Variants in EIF3H observed in about 807,000 individuals in gnomAD.
The protein encoded by EIF3H is eukaryotic translation initiation factor 3 subunit H.
In EIF3H, 26 loss-of-function variants were observed where a neutral mutation model predicts 44.2. The observed-to-expected ratio is 0.59, with a 90% CI of 0.43 to 0.82. The LOEUF (loss-of-function observed/expected upper bound fraction) is 0.82, where lower values mean the gene tolerates loss of function less well. Ranked by LOEUF, EIF3H falls within the 40% of genes least tolerant of loss-of-function variation. EIF3H has a pLI of 0.00. For synonymous variants in EIF3H, 166 were observed against 151.9 expected, an observed-to-expected ratio of 1.09 and a Z score of -0.68; for missense variants, 359 against 432.8, an observed-to-expected ratio of 0.83 and a Z score of 1.51.
At chr8:116,708,094 T>C (rs190761962) in intron 2 of EIF3H, among the ~76,000 whole-genome samples, 3,875 of 152,124 alleles carry the variant, frequency 0.025, 86 homozygotes, top group Non-Finnish European at 0.04. Context: ...TTCTCCTTTA[T>C]CAGGAAAAAC....
intron 2 of EIF3H, among the ~76,000 whole-genome samples, chr8:116,697,981 C>T (rs998657943): frequency 1.3e-5 from 2 of 152,172 alleles, no homozygotes; most frequent in African/African-American, 4.8e-5. Context: ...GCAGGCACTG[C>T]CTTAATGTAT....
At chr8:116,671,293 C>T (rs1300802712) in intron 2 of EIF3H, among the ~76,000 whole-genome samples, 1 of 152,152 alleles carries the variant, frequency 6.6e-6, no homozygotes, top group Non-Finnish European at 1.5e-5. Flanking sequence ...CAGTGTATCC[C>T]AAGGCTTTTG....
exon 1 of EIF3H, chr8:116,766,207 G>A: frequency 5.6e-6 from 1 of 178,792 alleles, no homozygotes; most frequent in Non-Finnish European, 1.2e-5. Context: ...TATTATCACT[G>A]ACTACTACTA....
chr8:116,688,268 G>A (rs1814113317), intron 2 of EIF3H, among the ~76,000 whole-genome samples: 1 of 152,046 alleles, frequency 6.6e-6, no homozygotes, highest in African/African-American at 2.4e-5. Context: ...CTTAGATAAG[G>A]GCTGTGAAAT....
chr8:116,650,675 C>CT (rs911246885), intron 5 of EIF3H, among the ~76,000 whole-genome samples: 2 of 151,924 alleles, frequency 1.3e-5, no homozygotes, highest in East Asian at 1.9e-4. Context: ...GGACTCTTTT[C>CT]TTTTTTTTGA....
chr8:116,700,092 C>T (rs1319871790), intron 2 of EIF3H, among the ~76,000 whole-genome samples: 4 of 152,222 alleles, frequency 2.6e-5, no homozygotes, highest in African/African-American at 7.2e-5. Context: ...AGGCGTGAGC[C>T]ACCGTGCCCG....
At chr8:116,711,565 A>G (rs1003534397) in intron 2 of EIF3H, among the ~76,000 whole-genome samples, 1 of 152,196 alleles carries the variant, frequency 6.6e-6, no homozygotes, top group Non-Finnish European at 1.5e-5. Flanking sequence ...TGAATCAAAA[A>G]TGAAAATAAA....
intron 2 of EIF3H, among the ~76,000 whole-genome samples, chr8:116,678,228 C>G (rs1407932633): frequency 2.0e-5 from 3 of 152,106 alleles, no homozygotes; most frequent in African/African-American, 7.2e-5. Context: ...CTCCTAACTG[C>G]GAGTGATCCG....
chr8:116,756,083 C>G, upstream of EIF3H: 2 of 1,313,786 alleles, frequency 1.5e-6, no homozygotes, highest in Non-Finnish European at 2.1e-6. Flanking sequence ...GTCATAATAG[C>G]ATTACAGTTC....
At position 116,644,853 on chromosome 8, in the gene EIF3H, T is replaced by C; in HGVS notation, c.*153A>G. On this transcript the variant is annotated 3_prime_UTR_variant, in exon 8 of 8. Transcript: ENST00000521861. ...GCAGTCAAGATTTTGTTTTATTTTA[T>C]TATGGCTAGAAAGACACTGTTATAG... is the stretch of plus-strand genomic sequence containing the variant. The C allele has an allele frequency of 1.8e-6, 1 of 564,244 alleles. No homozygotes were observed. The allele number at this position is 564,244 out of a possible 1,614,324, so 35.0% of individuals were successfully genotyped here. A position where few individuals can be genotyped will look rare whatever the true frequency, so the allele number is the denominator to read the frequency against.
chr8:116,679,393 C>A (rs1212940901), intron 2 of EIF3H, among the ~76,000 whole-genome samples: 1 of 68,888 alleles, frequency 1.5e-5, no homozygotes, highest in African/African-American at 3.6e-5. Flanking sequence ...CCAGCCGCCC[C>A]GTCCGGGAGG....
intron 1 of EIF3H, among the ~76,000 whole-genome samples, chr8:116,728,081 T>C (rs1357537120): frequency 6.6e-6 from 1 of 152,202 alleles, no homozygotes; most frequent in African/African-American, 2.4e-5. Flanking sequence ...AGTATATATG[T>C]TAAGAATTGT....
At chr8:116,657,396 T>C in intron 3 of EIF3H, 82 bp from the exon 4 acceptor site, 4 of 980,968 alleles carry the variant, frequency 4.1e-6, no homozygotes, top group Non-Finnish European at 6.4e-6. Context: ...GCACATTCTG[T>C]TACATATCGC....
chr8:116,730,282 T>G (rs931550485), intron 1 of EIF3H, among the ~76,000 whole-genome samples: 10 of 152,144 alleles, frequency 6.6e-5, no homozygotes, highest in Admixed American at 1.3e-4. Context: ...CTGCCTAAGC[T>G]CTGTCTCCTG....
chr8:116,653,371 A>ACACACACACACACACACACACACAC (rs59686939), intron 5 of EIF3H, among the ~76,000 whole-genome samples: 8 of 151,828 alleles, frequency 5.3e-5, no homozygotes, highest in Admixed American at 2.0e-4. Context: ...ACACACACAC[A>ACACACACACACACACACACACACAC]ATCTGTGTAC....
chr8:116,669,155 A>G (rs537966866), intron 2 of EIF3H, among the ~76,000 whole-genome samples: 19 of 152,330 alleles, frequency 1.2e-4, no homozygotes, highest in African/African-American at 4.1e-4. Flanking sequence ...CTACCATGAG[A>G]AAAAAATACT....
chr8:116,658,733 T>C, intron 3 of EIF3H, 80 bp downstream of exon 3: 1 of 1,462,924 alleles, frequency 6.8e-7, no homozygotes. Context: ...GCCAGACTGC[T>C]CTTAGAGGCA....
At chr8:116,739,059 G>A (rs1815086556) in intron 1 of EIF3H, among the ~76,000 whole-genome samples, 1 of 152,200 alleles carries the variant, frequency 6.6e-6, no homozygotes, top group African/African-American at 2.4e-5. Flanking sequence ...TGATGGCCTT[G>A]ACACCCACAC....
intron 2 of EIF3H, among the ~76,000 whole-genome samples, chr8:116,685,568 T>C (rs1238199973): frequency 6.6e-6 from 1 of 152,182 alleles, no homozygotes; most frequent in Non-Finnish European, 1.5e-5. Context: ...ATGCTGTTGC[T>C]TGTCTGTGAT....
Sources: gnomAD v4.1 joint callset for allele counts (sites outside exome capture counted in the v4.1 genomes callset) on GRCh38, gnomAD v4.1.1 for gene constraint, MANE v1.5 for transcripts, NCBI Gene and HGNC (gene_info 2026-07-23, HGNC 2026-07-21) for gene names.